PARD3B: variants seen among roughly 807,000 people sequenced by gnomAD.
PARD3B encodes partitioning defective 3 homolog B.
In PARD3B, 103 loss-of-function variants were observed where a neutral mutation model predicts 130.2. That is an observed-to-expected ratio of 0.79 (90% CI 0.67 to 0.93). PARD3B has a LOEUF of 0.93. Ranked by LOEUF, PARD3B falls within the 40% of genes least tolerant of loss-of-function variation. The pLI is 0.00. For missense variants in PARD3B, 1,609 were observed against 1,499.2 expected (o/e 1.07, Z -1.21); for synonymous variants, 583 against 553.2 (o/e 1.05, Z -0.76).
intron 2 of PARD3B, among the ~76,000 whole-genome samples, chr2:204,789,256 G>T (rs1574986618): frequency 6.6e-6 from 1 of 152,164 alleles, no homozygotes; most frequent in African/African-American, 2.4e-5. Context: ...TAGAGATGGG[G>T]TCTCATTTGG....
chr2:205,217,534 G>A (rs950959742), intron 15 of PARD3B, among the ~76,000 whole-genome samples: 1 of 152,088 alleles, frequency 6.6e-6, no homozygotes, highest in Middle Eastern at 3.4e-3. Flanking sequence ...AGAAGCTAGT[G>A]AAGGAACAAG....
At chr2:205,064,949 A>T (rs1195918664) in intron 4 of PARD3B, among the ~76,000 whole-genome samples, 8 of 152,196 alleles carry the variant, frequency 5.3e-5, no homozygotes, top group Non-Finnish European at 1.5e-5. Flanking sequence ...GGTTGCAGAA[A>T]TGCTAATTTG....
chr2:204,790,507 A>G (rs1487537061), intron 2 of PARD3B, among the ~76,000 whole-genome samples: 1 of 152,198 alleles, frequency 6.6e-6, no homozygotes, highest in African/African-American at 2.4e-5. Context: ...GGTGTGTTAT[A>G]AGAAGTGTTC....
At position 205,446,827 on chromosome 2, in the gene PARD3B, C is replaced by G. The variant is rs55726923; in HGVS notation, c.3044+6155C>G. 0.02 allele frequency among the ~76,000 whole-genome samples: 3,113 copies of G among 152,266 alleles called. 118 individuals carry two copies. Among genetic ancestry groups the G allele is most frequent in the African/African-American group, 0.071 (2,968 of 41,546 alleles). On this transcript the variant is annotated intron_variant, in intron 20 of 22. Transcript: ENST00000406610. The surrounding 1 kb of genome is among the most constrained non-coding windows in gnomAD (Gnocchi z 4.4). ...AGGTTTACAATGTGTTAGTTTTCCA[C>G]CGCAATGCCAGCATTGAAAGGGCTC...
chr2:204,762,571 A>T (rs2040950567), intron 2 of PARD3B, among the ~76,000 whole-genome samples: 1 of 151,590 alleles, frequency 6.6e-6, no homozygotes, highest in South Asian at 2.1e-4. Context: ...TTAGGTGTAC[A>T]TTGATTTTTT....
chr2:205,529,976 A>C (rs1043231186), intron 21 of PARD3B, among the ~76,000 whole-genome samples: 2 of 152,166 alleles, frequency 1.3e-5, no homozygotes, highest in African/African-American at 4.8e-5. Flanking sequence ...ACGAAAAATC[A>C]TAACAGATCA....
intron 15 of PARD3B, among the ~76,000 whole-genome samples, chr2:205,238,835 C>CAAAA (rs71879579): frequency 0.023 from 603 of 26,018 alleles, 66 homozygotes; most frequent in Admixed American, 0.032. Context: ...AACTCCGTTT[C>CAAAA]AAAAAAAAAA....
At chr2:204,718,065 C>T (rs886172657) in intron 2 of PARD3B, among the ~76,000 whole-genome samples, 44 of 151,966 alleles carry the variant, frequency 2.9e-4, no homozygotes, top group Admixed American at 2.0e-4. Flanking sequence ...TTAGAGAACC[C>T]GAGGGGAGAA....
At chr2:205,534,994 C>T (rs190555952) in intron 21 of PARD3B, among the ~76,000 whole-genome samples, 25 of 152,222 alleles carry the variant, frequency 1.6e-4, no homozygotes, top group Admixed American at 1.4e-3. Context: ...TGTTCAAAAT[C>T]GGGACACATG....
At chr2:205,226,399 A>G (rs982395326) in intron 15 of PARD3B, among the ~76,000 whole-genome samples, 1 of 152,160 alleles carries the variant, frequency 6.6e-6, no homozygotes, top group African/African-American at 2.4e-5. Flanking sequence ...GGTTGCTTGT[A>G]CTTGTGGAGT....
At chr2:204,726,312 C>A (rs1012972107) in intron 2 of PARD3B, among the ~76,000 whole-genome samples, 3 of 152,092 alleles carry the variant, frequency 2.0e-5, no homozygotes, top group African/African-American at 7.2e-5. Context: ...AAAATGTATT[C>A]CCAGTTTAGC....
chr2:205,234,700 C>T (rs529608994), intron 15 of PARD3B, among the ~76,000 whole-genome samples: 60 of 151,864 alleles, frequency 4.0e-4, no homozygotes, highest in Admixed American at 7.9e-4. Context: ...ACCTAATTAA[C>T]GTTTATAGAA....
intron 6 of PARD3B, among the ~76,000 whole-genome samples, chr2:205,117,861 G>A (rs183021951): frequency 6.0e-5 from 9 of 150,904 alleles, no homozygotes; most frequent in African/African-American, 9.8e-5. Context: ...CATTTCTTAC[G>A]GTTTTTGGTT....
chr2:205,196,636 C>T (rs557041062), intron 15 of PARD3B, among the ~76,000 whole-genome samples: 3 of 152,210 alleles, frequency 2.0e-5, no homozygotes, highest in East Asian at 3.9e-4. Flanking sequence ...ATTTAGGACT[C>T]TATCATATAT....
intron 21 of PARD3B, among the ~76,000 whole-genome samples, chr2:205,544,681 A>G (rs74924196): frequency 9.7e-4 from 147 of 152,312 alleles, no homozygotes; most frequent in African/African-American, 3.4e-3. Flanking sequence ...TGGTGCTACC[A>G]TAAGATTTCA....
In PARD3B at chr2:204,799,990, G is replaced by A. The variant is rs1364376101; in HGVS notation, c.222+113708G>A. 6.6e-6 allele frequency among the ~76,000 whole-genome samples: 1 copy of A among 152,126 alleles called. No individual in the cohort carries two copies. Among genetic ancestry groups the A allele is most frequent in the Admixed American group, 6.6e-5 (1 of 15,266 alleles). On this transcript the variant is annotated intron_variant, in intron 2 of 22. Transcript: ENST00000406610. This position sits in a 1 kb window ranked among gnomAD's most constrained non-coding sequence, Gnocchi z 4.1. ...CCCTGACACTGATGAACATCCACAA[G>A]CATCAAGGCCATCTACAAAAACGTG... is the stretch of plus-strand genomic sequence containing the variant.
rs144986989 is a variant in PARD3B, at chr2:205,362,409, CTCAA to C, written c.2631-38600_2631-38597del. ...AGTTAAATAACATTATGTGTCTCAT[CTCAA>C]TCAGTCACACTGCTGTTAGTTCAGG... On this transcript the variant is annotated intron_variant, in intron 18 of 22. Transcript: ENST00000406610. 4.4e-3 allele frequency among the ~76,000 whole-genome samples: 674 copies of C among 152,282 alleles called. 2 individuals are homozygous for C. Among genetic ancestry groups the C allele is most frequent in the African/African-American group, 0.015 (644 of 41,550 alleles).
intron 2 of PARD3B, among the ~76,000 whole-genome samples, chr2:204,690,217 A>G (rs900622238): frequency 2.0e-5 from 3 of 152,150 alleles, no homozygotes; most frequent in Non-Finnish European, 2.9e-5. Flanking sequence ...TCTAACCACC[A>G]TATGCAATTA....
chr2:205,360,440 C>CAA (rs34308340), intron 18 of PARD3B, among the ~76,000 whole-genome samples: 2 of 151,998 alleles, frequency 1.3e-5, no homozygotes, highest in Admixed American at 6.5e-5. Context: ...CTCTATGTCA[C>CAA]AAAAAATACT....
Sources: allele counts gnomAD v4.1 joint callset (sites outside exome capture counted in the v4.1 genomes callset), GRCh38; gene constraint gnomAD v4.1.1; non-coding constraint Gnocchi (gnomAD v3.1); transcripts MANE v1.5; gene names NCBI Gene and HGNC (gene_info 2026-07-23, HGNC 2026-07-21).